C14orf132: variants seen among roughly 807,000 people sequenced by gnomAD.
C14orf132 encodes uncharacterized protein C14orf132.
A neutral mutation model predicts 5.8 loss-of-function variants in C14orf132; 6 were observed. The observed-to-expected ratio is 1.03, with a 90% confidence interval of 0.57 to 2.04. C14orf132 has a LOEUF of 2.04. Among genes scored for constraint, C14orf132 ranks in the 30% most tolerant of loss-of-function variants. C14orf132 has a pLI of 0.00. For synonymous variants in C14orf132, 51 were observed against 49.8 expected (o/e 1.02, Z -0.10); for missense variants, 125 against 115.8 (o/e 1.08, Z -0.37).
intron 1 of C14orf132, among the ~76,000 whole-genome samples, chr14:96,082,860 C>T (rs374897289): frequency 6.6e-6 from 1 of 152,208 alleles, no homozygotes; most frequent in Non-Finnish European, 1.5e-5. Context: ...GCAACAATCT[C>T]GCTGGTTGGA....
chr14:96,059,817 G>A (rs1485655668), intron 1 of C14orf132, among the ~76,000 whole-genome samples: 1 of 152,144 alleles, frequency 6.6e-6, no homozygotes, highest in Non-Finnish European at 1.5e-5. Flanking sequence ...CTTGCCAGAG[G>A]GAGCTTTCTC....
intron 1 of C14orf132, among the ~76,000 whole-genome samples, chr14:96,056,717 G>A (rs1441425743): frequency 6.6e-6 from 1 of 152,164 alleles, no homozygotes; most frequent in African/African-American, 2.4e-5. Flanking sequence ...AATGCAGGTT[G>A]AGTGGGTAGA....
rs55648129 is a variant in C14orf132 at position 96,069,256 on chromosome 14, CATATATATATATATATATATAT to C, written c.28-17226_28-17205del. On this transcript the variant is annotated intron_variant, in intron 1 of 1. Coordinates refer to ENST00000555004, the MANE Select transcript of C14orf132 (RefSeq NM_001252507.3). ...ATATGTTATTGGTTCTGTTTATGTT[CATATATATATATATATATATAT>C]ATATATATATATATATATATATATA... is the stretch of plus-strand genomic sequence containing the variant. 3.5e-3 allele frequency among the ~76,000 whole-genome samples: 330 copies of C among 95,264 alleles called. 2 individuals are homozygous for C. The highest frequency in any genetic ancestry group is 0.013 in the Middle Eastern group (2 of 160). The allele number at this position is 95,264 out of a possible 152,430, so 62.5% of individuals were successfully genotyped here.
intron 1 of C14orf132, among the ~76,000 whole-genome samples, chr14:96,049,553 CATATAT>C (rs1265955658): frequency 1.6e-5 from 2 of 126,370 alleles, no homozygotes; most frequent in Non-Finnish European, 3.4e-5. Flanking sequence ...TATATATATA[CATATAT>C]ACGTATATAT....
At chr14:96,060,520 A>AT (rs34275854) in intron 1 of C14orf132, among the ~76,000 whole-genome samples, 2,969 of 152,214 alleles carry the variant, frequency 0.02, 115 homozygotes, top group East Asian at 0.17. Context: ...TATTCAGCAG[A>AT]TTTTTTATCC....
chr14:96,046,032 A>G (rs1886824678), intron 1 of C14orf132, among the ~76,000 whole-genome samples: 1 of 152,206 alleles, frequency 6.6e-6, no homozygotes, highest in Admixed American at 6.5e-5. Context: ...GCTTCCTCCC[A>G]GTATGGAGGT....
At chr14:96,041,807 G>A (rs763279821) in intron 1 of C14orf132, among the ~76,000 whole-genome samples, 4 of 152,314 alleles carry the variant, frequency 2.6e-5, no homozygotes, top group Admixed American at 6.5e-5. Flanking sequence ...GACAAGCTCC[G>A]TATCAGGCAC....
intron 1 of C14orf132, among the ~76,000 whole-genome samples, chr14:96,081,982 G>A (rs536324064): frequency 2.3e-4 from 35 of 151,952 alleles, no homozygotes; most frequent in African/African-American, 8.2e-4. Flanking sequence ...AGCCCCCCTC[G>A]CCCCCCAGGT....
rs144002902 is a variant in C14orf132 at position 96,039,444 on chromosome 14, C to T, written c.-57C>T. On this transcript the variant is annotated 5_prime_UTR_variant, in exon 1 of 2. Coordinates refer to ENST00000555004, the MANE Select transcript of C14orf132 (RefSeq NM_001252507.3). The surrounding 1 kb of genome is among the most constrained non-coding windows in gnomAD (Gnocchi z 5.3). ...CGATCCCCGCCAACTGTGCAGGCGG[C>T]TGACCCGCAGCGGCAGCGGCAGCAG... The T allele has an allele frequency of 3.3e-4, 486 of 1,466,454 alleles. 3 individuals carry two copies. The East Asian group carries it at 0.014, about 41-fold the overall frequency. The allele number at this position is 1,466,454 out of a possible 1,614,324, so 90.8% of individuals were successfully genotyped here. A position where few individuals can be genotyped will look rare whatever the true frequency, so the allele number is the denominator to read the frequency against.
At chr14:96,074,618 C>G (rs1887807220) in intron 1 of C14orf132, among the ~76,000 whole-genome samples, 1 of 149,658 alleles carries the variant, frequency 6.7e-6, no homozygotes, top group Non-Finnish European at 1.5e-5. Flanking sequence ...TTCACATATT[C>G]TGTCTCTCTA....
intron 1 of C14orf132, among the ~76,000 whole-genome samples, chr14:96,069,256 CATAT>C (rs55648129): frequency 0.011 from 1,016 of 93,538 alleles, 13 homozygotes; most frequent in Non-Finnish European, 0.013. Flanking sequence ...TGTTTATGTT[CATAT>C]ATATATATAT....
intron 1 of C14orf132, among the ~76,000 whole-genome samples, chr14:96,071,592 G>C (rs1014139774): frequency 5.9e-5 from 9 of 152,174 alleles, no homozygotes; most frequent in Non-Finnish European, 1.3e-4. Context: ...CTGCCCCCTG[G>C]GGATCCCCAG....
At chr14:96,070,674 C>A (rs1887682863) in intron 1 of C14orf132, among the ~76,000 whole-genome samples, 1 of 151,680 alleles carries the variant, frequency 6.6e-6, no homozygotes, top group Admixed American at 6.6e-5. Context: ...GAGGGACTAA[C>A]CTTAGGCAAA....
chr14:96,067,657 C>G (rs1354577864), intron 1 of C14orf132, among the ~76,000 whole-genome samples: 1 of 151,562 alleles, frequency 6.6e-6, no homozygotes, highest in East Asian at 1.9e-4. Context: ...GGAGATCAGG[C>G]CATTGCACTC....
At chr14:96,064,830 TA>T (rs1194284170) in intron 1 of C14orf132, among the ~76,000 whole-genome samples, 1 of 151,818 alleles carries the variant, frequency 6.6e-6, no homozygotes, top group African/African-American at 2.4e-5. Context: ...AAAATAAAAT[TA>T]AAAAAATTAA....
chr14:96,083,127 G>C (rs1888078959), intron 1 of C14orf132, among the ~76,000 whole-genome samples: 2 of 152,256 alleles, frequency 1.3e-5, no homozygotes, highest in African/African-American at 4.8e-5. Flanking sequence ...GGAGCTCCAG[G>C]ATTGGGGTTT....
intron 1 of C14orf132, among the ~76,000 whole-genome samples, chr14:96,055,181 G>A (rs1887143064): frequency 6.6e-6 from 1 of 152,192 alleles, no homozygotes; most frequent in Non-Finnish European, 1.5e-5. Context: ...AGTGCTCCCT[G>A]CTCTGCAGGT....
At chr14:96,059,320 T>C (rs545060119) in intron 1 of C14orf132, among the ~76,000 whole-genome samples, 12 of 152,008 alleles carry the variant, frequency 7.9e-5, no homozygotes, top group African/African-American at 2.9e-4. Flanking sequence ...GCCCCATGGG[T>C]TTATTTTGAA....
intron 1 of C14orf132, among the ~76,000 whole-genome samples, chr14:96,071,981 G>A (rs940015436): frequency 6.6e-6 from 1 of 152,190 alleles, no homozygotes; most frequent in Non-Finnish European, 1.5e-5. Flanking sequence ...GGGAGACCTG[G>A]TGTGAAGGGA....
Sources: gnomAD v4.1 joint callset for allele counts (sites outside exome capture counted in the v4.1 genomes callset) on GRCh38, gnomAD v4.1.1 for gene constraint, Gnocchi (gnomAD v3.1) non-coding constraint, MANE v1.5 for transcripts, NCBI Gene and HGNC (gene_info 2026-07-23, HGNC 2026-07-21) for gene names.